Variants in EIPR1 observed in about 807,000 individuals in gnomAD.
EIPR1 encodes EARP complex and GARP complex interacting protein 1, also known as EARP and GARP complex-interacting protein 1.
In EIPR1, 25 loss-of-function variants were observed where a neutral mutation model predicts 48.1. That is an observed-to-expected ratio of 0.52 (90% CI 0.38 to 0.73). The LOEUF is 0.73. Among genes scored for constraint, EIPR1 ranks in the 30% least tolerant of loss-of-function variants. The pLI is 0.00. For missense variants in EIPR1, 415 were observed against 506.2 expected (o/e 0.82, Z 1.73); for synonymous variants, 204 against 201.9 (o/e 1.01, Z -0.09).
intron 3 of EIPR1, among the ~76,000 whole-genome samples, chr2:3,301,691 A>G (rs1668766376): frequency 6.6e-6 from 1 of 152,236 alleles, no homozygotes; most frequent in Non-Finnish European, 1.5e-5. Flanking sequence ...TCTTATTTTC[A>G]TTTCAGAGAC....
chr2:3,365,030 A>C (rs1670939335), intron 1 of EIPR1, among the ~76,000 whole-genome samples: 2 of 152,376 alleles, frequency 1.3e-5, no homozygotes, highest in Admixed American at 1.3e-4. Context: ...GGTGATGGAT[A>C]TCTCAGATAC....
At chr2:3,325,891 C>T (rs1334184000) in intron 3 of EIPR1, among the ~76,000 whole-genome samples, 1 of 152,282 alleles carries the variant, frequency 6.6e-6, no homozygotes, top group Non-Finnish European at 1.5e-5. Context: ...GCCACCCACC[C>T]CTGGAGGTGC....
chr2:3,341,103 AAAAAAAAAAAAAAAAAACAAAAC>A (rs1433281270), intron 2 of EIPR1, among the ~76,000 whole-genome samples: 2 of 147,710 alleles, frequency 1.4e-5, no homozygotes, highest in Non-Finnish European at 3.0e-5. Flanking sequence ...CTCAAAAAAA[AAAAAAAAAAAAAAAAAACAAAAC>A]AAAACTCCAC....
intron 3 of EIPR1, among the ~76,000 whole-genome samples, chr2:3,258,068 C>G (rs1341520033): frequency 6.6e-6 from 1 of 152,196 alleles, no homozygotes; most frequent in Non-Finnish European, 1.5e-5. Flanking sequence ...ATCAATACAG[C>G]CTCTTCTCCT....
intron 3 of EIPR1, among the ~76,000 whole-genome samples, chr2:3,316,062 CACCACCA>C (rs1669282961): frequency 2.4e-4 from 1 of 4,250 alleles, no homozygotes; most frequent in Non-Finnish European, 1.3e-3. Flanking sequence ...TACACACCCC[CACCACCA>C]TCCTCACCAC....
intron 3 of EIPR1, among the ~76,000 whole-genome samples, chr2:3,324,441 G>C (rs1669630170): frequency 6.6e-6 from 1 of 152,218 alleles, no homozygotes; most frequent in South Asian, 2.1e-4. Context: ...TGCTCCTCAG[G>C]ATGCAGGATG....
intron 5 of EIPR1, chr2:3,208,238 T>C (rs1665301945): frequency 2.9e-6 from 1 of 345,268 alleles, no homozygotes; most frequent in Non-Finnish European, 5.2e-6. Flanking sequence ...TAGGACAAAA[T>C]GTTATTGATC....
chr2:3,190,024 T>A (rs1293311204), intron 8 of EIPR1, among the ~76,000 whole-genome samples: 1 of 152,078 alleles, frequency 6.6e-6, no homozygotes, highest in African/African-American at 2.4e-5. Flanking sequence ...GGGGCTGGGC[T>A]GAGGATCCCC....
chr2:3,237,942 G>A (rs1223158916), intron 4 of EIPR1, among the ~76,000 whole-genome samples: 3 of 152,216 alleles, frequency 2.0e-5, no homozygotes, highest in Admixed American at 6.5e-5. Context: ...CCTCCACGGG[G>A]ATTTGAGAAA....
intron 1 of EIPR1, among the ~76,000 whole-genome samples, chr2:3,367,477 A>G (rs1390882578): frequency 1.3e-5 from 2 of 152,252 alleles, no homozygotes; most frequent in African/African-American, 4.8e-5. Context: ...ACACAGAAAC[A>G]GAAGGAAAAT....
intron 4 of EIPR1, among the ~76,000 whole-genome samples, chr2:3,221,702 ACC>A (rs1665895411): frequency 2.2e-3 from 15 of 6,716 alleles, no homozygotes; most frequent in Admixed American, 0.011. Flanking sequence ...TCACAGTGAG[ACC>A]GGAACACACG....
intron 1 of EIPR1, among the ~76,000 whole-genome samples, chr2:3,373,255 C>G (rs1419723459): frequency 6.6e-6 from 1 of 151,432 alleles, no homozygotes; most frequent in Admixed American, 6.6e-5. Flanking sequence ...CTATCTATGA[C>G]AAACCCACAG....
At chr2:3,209,684 A>T (rs1665373800) in intron 5 of EIPR1, among the ~76,000 whole-genome samples, 1 of 152,208 alleles carries the variant, frequency 6.6e-6, no homozygotes, top group Non-Finnish European at 1.5e-5. Flanking sequence ...AACATTACTC[A>T]GTGATAAAAA....
chr2:3,252,843 G>C (rs1667043521), intron 4 of EIPR1, among the ~76,000 whole-genome samples: 3 of 152,138 alleles, frequency 2.0e-5, no homozygotes, highest in Non-Finnish European at 2.9e-5. Context: ...CTTGTTTTTA[G>C]GATCTTCCTT....
intron 2 of EIPR1, among the ~76,000 whole-genome samples, chr2:3,338,881 C>T (rs965780461): frequency 3.9e-5 from 6 of 152,102 alleles, no homozygotes; most frequent in Non-Finnish European, 7.4e-5. Flanking sequence ...AATGAGAAAA[C>T]ATAATTCCTC....
intron 3 of EIPR1, among the ~76,000 whole-genome samples, chr2:3,333,749 CAAAAAAAA>C (rs769152280): frequency 1.4e-5 from 1 of 72,398 alleles, no homozygotes; most frequent in Non-Finnish European, 2.8e-5. Flanking sequence ...ACCCTACCTC[CAAAAAAAA>C]AAAAAAAAAA....
chr2:3,347,148 C>A (rs1471810259), intron 2 of EIPR1, among the ~76,000 whole-genome samples: 2 of 152,112 alleles, frequency 1.3e-5, no homozygotes, highest in Non-Finnish European at 2.9e-5. Flanking sequence ...GAAGCAGATG[C>A]CAGAGCCATG....
At chr2:3,323,895 C>A (rs1572443326) in intron 3 of EIPR1, among the ~76,000 whole-genome samples, 2 of 152,318 alleles carry the variant, frequency 1.3e-5, no homozygotes, top group East Asian at 1.9e-4. Context: ...CTGGCGGAGG[C>A]AGGGGTGCTC....
rs575902905 is a variant in EIPR1, at chr2:3,197,262, G to A, written c.517-245C>T. Reference sequence around the variant, plus strand: ...TATTAATAGGCCTCTATTAAAGAGCGTTTGCTTGCAAGTATGTGATTAGAG... The same window carrying A: ...TATTAATAGGCCTCTATTAAAGAGCATTTGCTTGCAAGTATGTGATTAGAG... On this transcript the variant is annotated intron_variant, in intron 5 of 8. Transcript: ENST00000382125. Among the ~76,000 whole-genome samples the A allele has an allele frequency of 7.9e-5, 12 of 152,324 alleles. No homozygotes were observed. The South Asian group carries it at 1.7e-3, about 21-fold the overall frequency.
Sources: allele counts gnomAD v4.1 joint callset (sites outside exome capture counted in the v4.1 genomes callset), GRCh38; gene constraint gnomAD v4.1.1; transcripts MANE v1.5; gene names NCBI Gene and HGNC (gene_info 2026-07-23, HGNC 2026-07-21).